Variants in DDX19A observed in about 807,000 individuals in gnomAD.
DDX19A encodes DEAD-box helicase 19A.
DDX19A carries 12 observed loss-of-function variants against 60.6 expected under a neutral mutation model. The ratio of observed to expected loss-of-function variants is 0.20; its 90% confidence interval spans 0.13 to 0.32. DDX19A has a LOEUF of 0.32. Ranked by LOEUF, DDX19A falls within the 10% of genes least tolerant of loss-of-function variation. The pLI, the probability that DDX19A is intolerant of heterozygous loss-of-function variation, is 1.00. For missense variants in DDX19A, 337 were observed against 600.6 expected (o/e 0.56, Z 4.59); for synonymous variants, 206 against 218.2 (o/e 0.94, Z 0.49).
chr16:70,356,911 G>A (rs1373031987), intron 4 of DDX19A: 8 of 1,136,130 alleles, frequency 7.0e-6, no homozygotes, highest in Middle Eastern at 2.6e-4. Flanking sequence ...GATTAGGTAA[G>A]CCCTTAAGTG....
intron 9 of DDX19A, 50 bp from the exon 10 acceptor site, chr16:70,370,173 A>C (rs758110086): frequency 1.9e-6 from 3 of 1,577,698 alleles, no homozygotes; most frequent in Non-Finnish European, 2.6e-6. Context: ...TCAAAAAGAA[A>C]AAATATATAC....
chr16:70,362,365 G>C (rs1964390811), intron 5 of DDX19A, among the ~76,000 whole-genome samples: 1 of 148,006 alleles, frequency 6.8e-6, no homozygotes, highest in East Asian at 2.0e-4. Flanking sequence ...AAAAAAAACT[G>C]GGTTTAAAAA....
rs766079118 is a variant in DDX19A, at chr16:70,371,908, G to A, written c.1376-17G>A. ...ACATTCCTGGGCAGGGTAGAGACTT[G>A]TGTATCTTTCCCCCAGATAAGAAGA... On this transcript the variant is annotated splice_polypyrimidine_tract_variant and intron_variant, in intron 11 of 11. Coordinates refer to ENST00000302243, the MANE Select transcript of DDX19A (RefSeq NM_018332.5). The A allele has an allele frequency of 6.2e-7, 1 of 1,614,020 alleles. No individual in the cohort carries two copies. The highest frequency in any genetic ancestry group is 1.7e-5 in the Admixed American group (1 of 60,010).
At chr16:70,362,126 G>C (rs933426178) in intron 5 of DDX19A, among the ~76,000 whole-genome samples, 1 of 150,592 alleles carries the variant, frequency 6.6e-6, no homozygotes, top group African/African-American at 2.4e-5. Flanking sequence ...AGTGAGCCGA[G>C]ATGGTGCCAC....
intron 2 of DDX19A, among the ~76,000 whole-genome samples, chr16:70,350,852 T>G (rs553830273): frequency 2.8e-5 from 1 of 35,150 alleles, no homozygotes; most frequent in East Asian, 8.5e-4. Flanking sequence ...TGGCAAATTA[T>G]TTATTTATTT....
At chr16:70,364,920 G>T in intron 6 of DDX19A, 97 bp from the exon 7 acceptor site, 9 of 920,932 alleles carry the variant, frequency 9.8e-6, no homozygotes, top group Non-Finnish European at 1.6e-5. Context: ...ATGCTTCCCT[G>T]TGCTATTCAA....
intron 10 of DDX19A, chr16:70,370,841 C>A: frequency 5.3e-6 from 1 of 189,412 alleles, no homozygotes; most frequent in Non-Finnish European, 1.1e-5. Flanking sequence ...ACTAAAAATA[C>A]AAAAATTAGC....
chr16:70,354,619 C>A (rs969759006), intron 2 of DDX19A, among the ~76,000 whole-genome samples: 28 of 152,260 alleles, frequency 1.8e-4, no homozygotes, highest in African/African-American at 6.0e-4. Flanking sequence ...ATATTCTGAT[C>A]TGTCTGAAAT....
intron 5 of DDX19A, among the ~76,000 whole-genome samples, chr16:70,362,203 A>G (rs1289282028): frequency 6.7e-6 from 1 of 150,328 alleles, no homozygotes; most frequent in Non-Finnish European, 1.5e-5. Context: ...TAAAAATACA[A>G]CAATTAGCCT....
chr16:70,370,319 G>A lies in DDX19A; in HGVS notation c.1117G>A (p.Ala373Thr). Residue 373 changes from alanine (A) to threonine (T), a missense_variant, in exon 10 of 12, where the codon GCG becomes ACG. Transcript: ENST00000302243. ...SGEMMVEQRA[A>T]VIERFREGKE... ...GGAGATGATGGTGGAGCAGAGGGCT[G>A]CGGTGATTGAGCGCTTCCGAGAGGG... 39 of 1,614,136 alleles carry A rather than the reference G, an allele frequency of 2.4e-5. No homozygotes were observed. The highest frequency in any genetic ancestry group is 3.3e-5 in the Non-Finnish European group (39 of 1,180,008).
At chr16:70,350,050 C>T in intron 1 of DDX19A, among the ~76,000 whole-genome samples, 1 of 152,116 alleles carries the variant, frequency 6.6e-6, no homozygotes, top group East Asian at 1.9e-4. Context: ...AATCCCAGTG[C>T]TTTGGGAGGC....
intron 9 of DDX19A, among the ~76,000 whole-genome samples, chr16:70,368,341 A>C (rs545033955): frequency 8.0e-4 from 121 of 151,354 alleles, no homozygotes; most frequent in African/African-American, 2.9e-3. Flanking sequence ...GGTGTGATCT[A>C]GGCTCACTGC....
Position 70,372,406 on chromosome 16 carries a change from G to T in DDX19A, c.*420G>T. The T allele has an allele frequency of 4.2e-6, 1 of 236,274 alleles. No homozygotes were observed. The highest frequency in any genetic ancestry group is 8.4e-6 in the Non-Finnish European group (1 of 119,674). The allele number at this position is 236,274 out of a possible 1,614,324, so 14.6% of individuals were successfully genotyped here. ...GCCCCACCGCTGTGCATCGAATGAG[G>T]GAAGTGGCAGCAGAGAGGCCAGAGC... On this transcript the variant is annotated 3_prime_UTR_variant, in exon 12 of 12. Transcript: ENST00000302243.
chr16:70,350,586 A>T lies in DDX19A; in HGVS notation c.87A>T (p.Lys29Asn), dbSNP rs769877214. 1 of 1,612,592 alleles carries T rather than the reference A, an allele frequency of 6.2e-7. No homozygotes were observed. Among genetic ancestry groups the T allele is most frequent in the Admixed American group, 1.7e-5 (1 of 59,650 alleles). ...SMTNLQIKEE[K>N]VKADTNGIIK... The stretch of plus-strand genomic sequence containing the variant: ...CCAATTTGCAGATCAAGGAAGAGAA[A>T]GTCAAAGCAGATACCAATGGTGAGT... Residue 29 changes from lysine (K) to asparagine (N), a missense_variant, in exon 2 of 12, where the codon AAA (lysine) becomes AAT (asparagine). This residue lies in a region of DDX19A where 127 missense variants were observed against 160.3 expected (regional missense o/e 0.79). Coordinates refer to ENST00000302243, the MANE Select transcript of DDX19A (RefSeq NM_018332.5).
intron 4 of DDX19A, among the ~76,000 whole-genome samples, chr16:70,357,235 G>A: frequency 7.0e-6 from 1 of 142,290 alleles, no homozygotes; most frequent in Non-Finnish European, 1.5e-5. Context: ...CTCCAGCCTG[G>A]GCAACAGAGC....
intron 9 of DDX19A, 125 bp downstream of exon 9, chr16:70,366,986 G>A (rs956906236): frequency 1.8e-6 from 2 of 1,133,528 alleles, no homozygotes; most frequent in African/African-American, 3.1e-5. Flanking sequence ...AGATGTAAGA[G>A]ACAGGCTCTC....
chr16:70,357,377 T>TG (rs1256898303), intron 4 of DDX19A, among the ~76,000 whole-genome samples: 27 of 58,436 alleles, frequency 4.6e-4, no homozygotes, highest in African/African-American at 1.4e-3. Flanking sequence ...TTTTTTTTTT[T>TG]TTTTTTTTTT....
At chr16:70,348,507 A>G (rs1204832783) in intron 1 of DDX19A, among the ~76,000 whole-genome samples, 2 of 151,824 alleles carry the variant, frequency 1.3e-5, no homozygotes, top group African/African-American at 4.8e-5. Context: ...TCCCCTGTTA[A>G]TACCAGCTAC....
intron 4 of DDX19A, chr16:70,356,845 G>C: frequency 3.2e-6 from 4 of 1,253,392 alleles, no homozygotes; most frequent in Non-Finnish European, 4.1e-6. Context: ...TATACTCTTA[G>C]AACTTTCAAT....
Sources: allele counts gnomAD v4.1 joint callset (sites outside exome capture counted in the v4.1 genomes callset), GRCh38; gene constraint gnomAD v4.1.1; regional missense constraint gnomAD v4.1.1; transcripts MANE v1.5; gene names NCBI Gene and HGNC (gene_info 2026-07-23, HGNC 2026-07-21).